The following ORC4 variants were observed in gnomAD, a reference collection of about 807,000 sequenced individuals.
ORC4 encodes the protein origin recognition complex, subunit 4 homolog.
A neutral mutation model predicts 63.9 loss-of-function variants in ORC4; 55 were observed. The ratio of observed to expected loss-of-function variants is 0.86; its 90% CI spans 0.69 to 1.08. The LOEUF (loss-of-function observed/expected upper bound fraction) is 1.08, where lower values mean the gene tolerates loss of function less well. Ranked by LOEUF, ORC4 falls within the 50% of genes least tolerant of loss-of-function variation. The probability of loss-of-function intolerance (pLI) is 0.00; values close to 1 mark genes in which losing one functional copy is unlikely to be tolerated. For synonymous variants in ORC4, 150 were observed against 168.5 expected (o/e 0.89, Z 0.85); for missense variants, 511 against 504.4 (o/e 1.01, Z -0.13).
In ORC4 at chr2:147,986,776, G is replaced by GACACACACACACATAC. The variant is rs1691220329; in HGVS notation, c.-17-10817_-17-10802dup. The stretch of plus-strand genomic sequence containing the variant: ...ATAATTAAAAACACAATTTTATACA[G>GACACACACACACATAC]ACACACACACACATACACACACACA... On this transcript the variant is annotated intron_variant, in intron 1 of 13. Transcript: ENST00000392857. Among the ~76,000 whole-genome samples the GACACACACACACATAC allele has an allele frequency of 3.0e-5, 3 of 101,308 alleles. No homozygotes were observed. The South Asian group carries it at 8.6e-4, about 29-fold the overall frequency. 66.5% of individuals were successfully genotyped at this position (101,308 alleles called of 152,430 possible).
intron 4 of ORC4, among the ~76,000 whole-genome samples, chr2:147,970,328 T>C (rs1558851018): frequency 1.3e-5 from 2 of 152,156 alleles, no homozygotes; most frequent in African/African-American, 4.8e-5. Context: ...TTTCTGGATA[T>C]GTACAAAGTG....
At chr2:148,011,897 CTT>C (rs1444770849) in intron 1 of ORC4, among the ~76,000 whole-genome samples, 1 of 151,928 alleles carries the variant, frequency 6.6e-6, no homozygotes, top group Non-Finnish European at 1.5e-5. Flanking sequence ...TAGAAATAAA[CTT>C]AACCAACTAC....
chr2:147,988,464 A>G (rs761793292), intron 1 of ORC4, among the ~76,000 whole-genome samples: 2 of 151,416 alleles, frequency 1.3e-5, no homozygotes, highest in African/African-American at 2.4e-5. Context: ...GGTTCAAGCT[A>G]TTCTCCTGCC....
At chr2:147,984,530 G>A (rs956456508) in intron 1 of ORC4, among the ~76,000 whole-genome samples, 1 of 152,084 alleles carries the variant, frequency 6.6e-6, no homozygotes, top group Non-Finnish European at 1.5e-5. Context: ...TTTTGGTAGG[G>A]AGGGGGTGTT....
At chr2:147,935,849 T>C in intron 13 of ORC4, 151 bp from the exon 14 acceptor site, 1 of 649,056 alleles carries the variant, frequency 1.5e-6, no homozygotes, top group South Asian at 1.8e-5. Context: ...TTAAAAAAAC[T>C]CTCACAACCC....
chr2:147,938,780 T>C (rs1392986418), intron 11 of ORC4: 2 of 332,530 alleles, frequency 6.0e-6, no homozygotes, highest in East Asian at 7.4e-5. Context: ...TATATCCAAA[T>C]CTGTGTATTC....
chr2:147,957,336 A>C (rs1689321230), intron 6 of ORC4, among the ~76,000 whole-genome samples: 1 of 151,326 alleles, frequency 6.6e-6, no homozygotes, highest in South Asian at 2.1e-4. Context: ...GTCTTACACA[A>C]CTATGGCGGT....
At chr2:148,001,102 G>A (rs893993213) in intron 1 of ORC4, among the ~76,000 whole-genome samples, 1 of 152,020 alleles carries the variant, frequency 6.6e-6, no homozygotes, top group African/African-American at 2.4e-5. Context: ...AGCCTTCCTG[G>A]GATTAAGCAA....
chr2:147,960,445 AACT>A (rs1689523047), intron 4 of ORC4: 2 of 681,916 alleles, frequency 2.9e-6, no homozygotes, highest in Admixed American at 6.3e-5. Context: ...CAAATATTTA[AACT>A]ACATTATACA....
In ORC4 at chr2:147,932,624, T is replaced by C. The variant is rs1573730427; in HGVS notation, c.*2886A>G. 5 of 152,248 alleles carry C rather than the reference T, an allele frequency of 3.3e-5. 1 individual carries two copies. The highest frequency in any genetic ancestry group is 3.3e-4 in the Admixed American group (5 of 15,268). 9.4% of individuals were successfully genotyped at this position (152,248 alleles called of 1,614,324 possible). A position where few individuals can be genotyped will look rare whatever the true frequency, so the allele number is the denominator to read the frequency against. On this transcript the variant is annotated 3_prime_UTR_variant, in exon 14 of 14. Coordinates refer to ENST00000392857, the MANE Select transcript of ORC4 (RefSeq NM_181741.4). ...AAGGGAGATTTGTTAATTATGGCAT[T>C]TCCCTCTATTATCGTCTAAACAGAT...
At chr2:147,985,464 G>A (rs1691148492) in intron 1 of ORC4, among the ~76,000 whole-genome samples, 1 of 152,168 alleles carries the variant, frequency 6.6e-6, no homozygotes, top group Admixed American at 6.5e-5. Context: ...CCAAGGTGCT[G>A]GGATTACAGG....
At chr2:147,955,847 A>C (rs1208174460) in intron 6 of ORC4, among the ~76,000 whole-genome samples, 1 of 152,138 alleles carries the variant, frequency 6.6e-6, no homozygotes, top group South Asian at 2.1e-4. Flanking sequence ...AGAAATAACC[A>C]TGAATTTAAA....
intron 9 of ORC4, 146 bp downstream of exon 9, chr2:147,947,904 TA>T (rs993209768): frequency 3.2e-6 from 2 of 631,982 alleles, no homozygotes; most frequent in African/African-American, 3.7e-5. Flanking sequence ...AGAAAATTTT[TA>T]AAAAGTATAT....
In ORC4 at chr2:147,933,692, T is replaced by A. The variant is rs1287691738; in HGVS notation, c.*1818A>T. The A allele has an allele frequency of 2.0e-5, 3 of 152,112 alleles. No individual in the cohort carries two copies. Among genetic ancestry groups the A allele is most frequent in the Non-Finnish European group, 4.4e-5 (3 of 68,010 alleles). The allele number at this position is 152,112 out of a possible 1,614,324, so 9.4% of individuals were successfully genotyped here. ...GACAAATAATACTTTCCTCAAATAG[T>A]TCAGAAAATTTTTAAAAGGATCACT... On this transcript the variant is annotated 3_prime_UTR_variant, in exon 14 of 14. Transcript: ENST00000392857.
intron 1 of ORC4, among the ~76,000 whole-genome samples, chr2:148,012,323 C>T (rs1406522979): frequency 6.6e-6 from 1 of 152,144 alleles, no homozygotes; most frequent in Non-Finnish European, 1.5e-5. Flanking sequence ...TAGTTTTTTA[C>T]TAAGGTGCCA....
At chr2:147,986,396 T>C (rs1225068212) in intron 1 of ORC4, among the ~76,000 whole-genome samples, 1 of 151,846 alleles carries the variant, frequency 6.6e-6, no homozygotes, top group East Asian at 1.9e-4. Flanking sequence ...ATCAATAAAA[T>C]CTCCTAAACT....
At chr2:147,958,583 A>C (rs975144558) in intron 5 of ORC4, 200 bp from the exon 6 acceptor site, 93 of 579,510 alleles carry the variant, frequency 1.6e-4, no homozygotes, top group Non-Finnish European at 2.4e-4. Flanking sequence ...AAAAAAAAAA[A>C]CCAAAAAACC....
chr2:147,998,988 A>T (rs1170110626), intron 1 of ORC4, among the ~76,000 whole-genome samples: 1 of 152,218 alleles, frequency 6.6e-6, no homozygotes, highest in Non-Finnish European at 1.5e-5. Flanking sequence ...TTTGGTTTAT[A>T]ATCTTCAACT....
At chr2:148,009,150 A>G (rs1692802934) in intron 1 of ORC4, among the ~76,000 whole-genome samples, 1 of 152,126 alleles carries the variant, frequency 6.6e-6, no homozygotes, top group South Asian at 2.1e-4. Flanking sequence ...CCACAAAACA[A>G]AAACCTCTAA....
Sources: gnomAD v4.1 joint callset for allele counts (sites outside exome capture counted in the v4.1 genomes callset) on GRCh38, gnomAD v4.1.1 for gene constraint, MANE v1.5 for transcripts, NCBI Gene and HGNC (gene_info 2026-07-23, HGNC 2026-07-21) for gene names.